PSCA: variants seen among roughly 807,000 people sequenced by gnomAD.
PSCA encodes prostate stem cell antigen.
Under a neutral mutation model 7.9 loss-of-function variants are expected in PSCA, and 7 were observed. The ratio of observed to expected loss-of-function variants is 0.89; its 90% confidence interval spans 0.51 to 1.67. The LOEUF is 1.67. Ranked by LOEUF, PSCA falls within the 40% of genes most tolerant of loss-of-function variation. The probability of loss-of-function intolerance (pLI) is 0.00; values close to 1 mark genes in which losing one functional copy is unlikely to be tolerated. For synonymous variants in PSCA, 61 were observed against 68.3 expected (o/e 0.89, Z 0.53); for missense variants, 151 against 147.9 (o/e 1.02, Z -0.11).
Position 142,673,494 on chromosome 8 carries a change from T to C in PSCA, n.261+2926T>C, listed in dbSNP as rs147329095. On this transcript the variant is annotated intron_variant and non_coding_transcript_variant, in intron 1 of 1. Coordinates refer to the PSCA transcript ENST00000505305. This position sits in a 1 kb window ranked among gnomAD's most constrained non-coding sequence, Gnocchi z 4.6. Reference sequence around the variant, plus strand: ...CACCCAGTGGGTTCATTTTGACCCCTGGCAAGATAGAGCTGATTTAGCAAG... The same window carrying C: ...CACCCAGTGGGTTCATTTTGACCCCCGGCAAGATAGAGCTGATTTAGCAAG... Among the ~76,000 whole-genome samples the C allele has an allele frequency of 1.4e-3, 207 of 152,340 alleles. No individual in the cohort carries two copies. Among genetic ancestry groups the C allele is most frequent in the African/African-American group, 4.8e-3 (198 of 41,586 alleles).
intron 2 of PSCA, 130 bp downstream of exon 2, chr8:142,681,564 C>G: frequency 2.7e-6 from 2 of 750,904 alleles, no homozygotes; most frequent in African/African-American, 1.7e-5. Context: ...ACCTGCACCC[C>G]CAACAATCAC....
chr8:142,677,611 G>A (rs1847413707), upstream of PSCA, among the ~76,000 whole-genome samples: 1 of 152,200 alleles, frequency 6.6e-6, no homozygotes, highest in African/African-American at 2.4e-5. Flanking sequence ...GGCGAGCTGG[G>A]GCGGGGGGCG....
chr8:142,682,468 T>G lies in PSCA; in HGVS notation c.*336T>G, dbSNP rs1554638577. 6.8e-6 allele frequency: 4 copies of G among 590,440 alleles called. No individual in the cohort carries two copies. The highest frequency in any genetic ancestry group is 1.3e-5 in the Non-Finnish European group (4 of 312,908). 36.6% of individuals were successfully genotyped at this position (590,440 alleles called of 1,614,324 possible). ...CAGGAAGCCTTCCCTGCCCACCCCA[T>G]CTATGACTTGAGCCAGGTCTGGTCC... On this transcript the variant is annotated 3_prime_UTR_variant, in exon 3 of 3. Transcript: ENST00000301258.
upstream of PSCA, chr8:142,680,225 G>T (rs992492459): frequency 9.0e-6 from 4 of 444,558 alleles, no homozygotes; most frequent in Non-Finnish European, 1.7e-5. Flanking sequence ...ACTGTGAGGT[G>T]GGGGAGGTGG....
upstream of PSCA, among the ~76,000 whole-genome samples, chr8:142,677,428 C>T (rs181339809): frequency 5.3e-5 from 8 of 152,312 alleles, no homozygotes; most frequent in Admixed American, 2.6e-4. Context: ...CATTCCCTGG[C>T]GGTGCAGAGT....
chr8:142,673,378 C>T lies in PSCA; in HGVS notation n.261+2810C>T, dbSNP rs587611261. Among the ~76,000 whole-genome samples the T allele has an allele frequency of 3.3e-5, 5 of 152,282 alleles. No homozygotes were observed. In the East Asian group the frequency reaches 9.7e-4, roughly 29 times the overall value. On this transcript the variant is annotated intron_variant and non_coding_transcript_variant, in intron 1 of 1. Transcript: ENST00000505305. The surrounding 1 kb of genome is among the most constrained non-coding windows in gnomAD (Gnocchi z 4.6). ...TCCTCCAGGTGCTCCTACCATTACT[C>T]ACGGAACCTTGGGCCTCTTCTCGAG...
chr8:142,672,350 C>T lies in PSCA; in HGVS notation n.261+1782C>T, dbSNP rs1488100615. Among the ~76,000 whole-genome samples, 9 of 152,352 alleles carry T rather than the reference C, an allele frequency of 5.9e-5. No individual in the cohort carries two copies. The South Asian group carries it at 6.2e-4, about 11-fold the overall frequency. ...GCCCTTACCCCCATACAGCTATCAA[C>T]TGCTGCATCAAAAACCGCCCAAAAC... On this transcript the variant is annotated intron_variant and non_coding_transcript_variant, in intron 1 of 1. Transcript: ENST00000505305.
At chr8:142,670,910 T>C (rs1847311649) in intron 1 of PSCA, among the ~76,000 whole-genome samples, 1 of 152,250 alleles carries the variant, frequency 6.6e-6, no homozygotes, top group Non-Finnish European at 1.5e-5. Flanking sequence ...TCCTTGATGC[T>C]CAAATCCCTT....
At chr8:142,672,391 C>G (rs1847343555) in intron 1 of PSCA, among the ~76,000 whole-genome samples, 1 of 152,152 alleles carries the variant, frequency 6.6e-6, no homozygotes, top group Admixed American at 6.5e-5. Flanking sequence ...AGCTTGAAAC[C>G]AACTGTTTTT....
At chr8:142,676,028 A>C (rs1847397309), upstream of PSCA, 1 of 152,250 alleles carries the variant, frequency 6.6e-6, no homozygotes, top group South Asian at 2.1e-4. Flanking sequence ...GACTCCCTGC[A>C]AGGTGAGTCA....
Position 142,674,190 on chromosome 8 carries a change from G to A in PSCA, n.261+3622G>A, listed in dbSNP as rs896426173. Among the ~76,000 whole-genome samples the A allele has an allele frequency of 1.9e-4, 28 of 148,280 alleles. 1 individual carries two copies. Among genetic ancestry groups the A allele is most frequent in the African/African-American group, 7.0e-4 (28 of 39,814 alleles). On this transcript the variant is annotated intron_variant and non_coding_transcript_variant, in intron 1 of 1. Coordinates refer to the PSCA transcript ENST00000505305. Reference sequence around the variant, plus strand: ...GAATCGTTTCAGTCTAACCTCTGCAGAGCTCAGATCCCCCATCTTCCTAAT... The same window carrying A: ...GAATCGTTTCAGTCTAACCTCTGCAAAGCTCAGATCCCCCATCTTCCTAAT...
At chr8:142,681,303 G>A (rs1554638270) in intron 1 of PSCA, 24 bp from the exon 2 acceptor site, 1 of 1,537,840 alleles carries the variant, frequency 6.5e-7, no homozygotes, top group South Asian at 1.2e-5. Flanking sequence ...CAGCCTCTGA[G>A]GCCCCTCCCA....
rs782272112 is a variant in PSCA at position 142,682,498 on chromosome 8, T to C, written c.*366T>C. The C allele has an allele frequency of 3.6e-5, 19 of 528,500 alleles. No homozygotes were observed. In the East Asian group the frequency reaches 8.0e-4, roughly 22 times the overall value. 32.7% of individuals were successfully genotyped at this position (528,500 alleles called of 1,614,324 possible). On this transcript the variant is annotated 3_prime_UTR_variant, in exon 3 of 3. Coordinates refer to ENST00000301258, the MANE Select transcript of PSCA (RefSeq NM_005672.5). ...GACTTGAGCCAGGTCTGGTCCGTGG[T>C]GTCCCCCGCACCCAGCAGGGGACAG...
chr8:142,681,156 C>T, intron 1 of PSCA, 171 bp from the exon 2 acceptor site: 2 of 585,130 alleles, frequency 3.4e-6, no homozygotes, highest in East Asian at 2.8e-5. Flanking sequence ...GGCAACATTT[C>T]GGAGGCACTG....
rs1814651746 is a variant in PSCA, at chr8:142,681,956, T to A, written c.169T>A (p.Cys57Ser). Residue 57 changes from cysteine (C) to serine (S), a missense_variant, in exon 3 of 3, where the codon TGC becomes AGC. Coordinates refer to ENST00000301258, the MANE Select transcript of PSCA (RefSeq NM_005672.5). ...VGLLTVISKG[C>S]SLNCVDDSQD... ...CCTCCTGACCGTCATCAGCAAAGGC[T>A]GCAGCTTGAACTGCGTGGATGACTC... 1 of 1,587,340 alleles carries A rather than the reference T, an allele frequency of 6.3e-7. No homozygotes were observed. Among genetic ancestry groups the A allele is most frequent in the Non-Finnish European group, 8.6e-7 (1 of 1,165,492 alleles).
At chr8:142,681,528 T>A in intron 2 of PSCA, 94 bp downstream of exon 2, 3 of 1,184,018 alleles carry the variant, frequency 2.5e-6, no homozygotes, top group Non-Finnish European at 3.6e-6. Context: ...GCTGTTTTCC[T>A]TCCACCTGTC....
rs1034951062 is a variant in PSCA at position 142,673,912 on chromosome 8, G to A, written n.261+3344G>A. Among the ~76,000 whole-genome samples, 17 of 152,164 alleles carry A rather than the reference G, an allele frequency of 1.1e-4. No homozygotes were observed. Among genetic ancestry groups the A allele is most frequent in the Non-Finnish European group, 1.8e-4 (12 of 68,044 alleles). On this transcript the variant is annotated intron_variant and non_coding_transcript_variant, in intron 1 of 1. Transcript: ENST00000505305. The surrounding 1 kb of genome is among the most constrained non-coding windows in gnomAD (Gnocchi z 4.6). Reference sequence around the variant, plus strand: ...GTCCCTGGAATAACGGCTGGGAGTCGTTTCAGTCTAACCTCAGCAGAGCTC... The same window carrying A: ...GTCCCTGGAATAACGGCTGGGAGTCATTTCAGTCTAACCTCAGCAGAGCTC...
intron 1 of PSCA, among the ~76,000 whole-genome samples, chr8:142,671,489 C>T (rs1294004377): frequency 6.6e-6 from 1 of 152,196 alleles, no homozygotes; most frequent in Non-Finnish European, 1.5e-5. Flanking sequence ...TGTTTTGGAT[C>T]ACCACGTTTA....
At chr8:142,681,721 A>T in intron 2 of PSCA, 200 bp from the exon 3 acceptor site, 1 of 607,018 alleles carries the variant, frequency 1.6e-6, no homozygotes, top group Non-Finnish European at 2.9e-6. Context: ...TCTGACGCTC[A>T]GCGGGTGGTC....
Sources: allele counts gnomAD v4.1 joint callset (sites outside exome capture counted in the v4.1 genomes callset), GRCh38; gene constraint gnomAD v4.1.1; non-coding constraint Gnocchi (gnomAD v3.1); transcripts MANE v1.5; gene names NCBI Gene and HGNC (gene_info 2026-07-23, HGNC 2026-07-21).